CNBD1: variants seen among roughly 807,000 people sequenced by gnomAD.
CNBD1 encodes cyclic nucleotide binding domain containing 1.
A neutral mutation model predicts 54.4 loss-of-function variants in CNBD1; 71 were observed. That is an observed-to-expected ratio of 1.30 (90% CI 1.08 to 1.59). CNBD1 has a LOEUF of 1.59. Among genes scored for constraint, CNBD1 ranks in the 40% most tolerant of loss-of-function variants. The pLI is 0.00. For synonymous variants in CNBD1, 182 were observed against 170.7 expected, an observed-to-expected ratio of 1.07 and a Z score of -0.51; for missense variants, 659 against 518.0, an observed-to-expected ratio of 1.27 and a Z score of -2.64.
intron 2 of CNBD1, among the ~76,000 whole-genome samples, chr8:87,421,426 TCCCCC>T (rs1486091779): frequency 2.2e-5 from 1 of 45,334 alleles, no homozygotes. Context: ...CCTCCCCCCC[TCCCCC>T]CACCCCACAA....
chr8:86,894,929 C>T (rs1044991332), intron 2 of CNBD1, among the ~76,000 whole-genome samples: 2 of 152,078 alleles, frequency 1.3e-5, no homozygotes, highest in Admixed American at 6.6e-5. Context: ...GCATGAGACT[C>T]GCATCTGGCA....
At chr8:87,302,389 A>G (rs1453248943) in intron 8 of CNBD1, among the ~76,000 whole-genome samples, 2 of 152,114 alleles carry the variant, frequency 1.3e-5, no homozygotes, top group Non-Finnish European at 2.9e-5. Flanking sequence ...TACAAAAACC[A>G]CATGATTATC....
rs60911142 is a variant in CNBD1, at chr8:87,121,900, A to G, written c.432-84093A>G. Among the ~76,000 whole-genome samples, 877 of 151,678 alleles carry G rather than the reference A, an allele frequency of 5.8e-3. 6 individuals are homozygous for G. The highest frequency in any genetic ancestry group is 0.02 in the African/African-American group (833 of 41,448). The stretch of plus-strand genomic sequence containing the variant: ...ATTGTGTGTGTGTATATATATATAC[A>G]CACACATATGACATATAATTTATTG... On this transcript the variant is annotated intron_variant, in intron 4 of 10. Coordinates refer to ENST00000518476, the MANE Select transcript of CNBD1 (RefSeq NM_173538.3).
chr8:87,299,839 AG>A (rs1022032511), intron 8 of CNBD1, among the ~76,000 whole-genome samples: 100 of 152,322 alleles, frequency 6.6e-4, no homozygotes, highest in African/African-American at 2.3e-3. Flanking sequence ...CCCTGCAGCC[AG>A]GTGTCCTTTT....
At chr8:86,963,866 C>A (rs1051334354) in intron 4 of CNBD1, among the ~76,000 whole-genome samples, 3 of 152,150 alleles carry the variant, frequency 2.0e-5, no homozygotes, top group East Asian at 1.9e-4. Context: ...AGTCCTGCTG[C>A]ACCATTTGGG....
rs563748412 is a variant in CNBD1, at chr8:87,154,059, T to G, written c.432-51934T>G. 5.3e-5 allele frequency among the ~76,000 whole-genome samples: 8 copies of G among 152,248 alleles called. No homozygotes were observed. The South Asian group carries it at 1.4e-3, about 28-fold the overall frequency. ...GGCAGGCAGCAGGCTTTGTATGACCTGTTAAATTACAACTGACACCCAAAT... is the reference window on the plus strand; with the variant it reads ...GGCAGGCAGCAGGCTTTGTATGACCGGTTAAATTACAACTGACACCCAAAT... On this transcript the variant is annotated intron_variant, in intron 4 of 10. Transcript: ENST00000518476.
At chr8:87,317,542 A>C (rs1464941683) in intron 8 of CNBD1, among the ~76,000 whole-genome samples, 2 of 151,630 alleles carry the variant, frequency 1.3e-5, no homozygotes, top group African/African-American at 2.4e-5. Context: ...TTGTGTAATT[A>C]TTTTGTATTT....
intron 4 of CNBD1, among the ~76,000 whole-genome samples, chr8:87,047,128 A>T (rs901441080): frequency 5.3e-5 from 8 of 152,008 alleles, no homozygotes; most frequent in African/African-American, 7.3e-5. Context: ...TGTAAGTGTA[A>T]TGTTGCAGTA....
rs201293555 is a variant in CNBD1 at position 87,132,762 on chromosome 8, A to AAT, written c.432-73222_432-73221dup. On this transcript the variant is annotated intron_variant, in intron 4 of 10. Transcript: ENST00000518476. ...ATAGGTTCATTTGCATATATATGGAAATATATATATCATTCAATTTGCATA... is the reference window on the plus strand; with the variant it reads ...ATAGGTTCATTTGCATATATATGGAAATATATATATATCATTCAATTTGCATA... Among the ~76,000 whole-genome samples the AAT allele has an allele frequency of 4.9e-3, 719 of 147,326 alleles. 14 individuals are homozygous for AAT. Among genetic ancestry groups the AAT allele is most frequent in the African/African-American group, 0.017 (693 of 40,410 alleles).
intron 4 of CNBD1, among the ~76,000 whole-genome samples, chr8:87,092,114 G>C (rs1337719662): frequency 6.6e-6 from 1 of 152,116 alleles, no homozygotes; most frequent in African/African-American, 2.4e-5. Context: ...GACATAGCAA[G>C]AGAAATAGTC....
intron 5 of CNBD1, among the ~76,000 whole-genome samples, chr8:87,217,921 T>A (rs1473751601): frequency 6.6e-6 from 1 of 152,162 alleles, no homozygotes; most frequent in Non-Finnish European, 1.5e-5. Flanking sequence ...AGATTTTTGT[T>A]TGTTTTAGTA....
At chr8:87,111,391 C>T (rs1262590120) in intron 4 of CNBD1, among the ~76,000 whole-genome samples, 2 of 152,160 alleles carry the variant, frequency 1.3e-5, no homozygotes, top group African/African-American at 4.8e-5. Flanking sequence ...CTCATAATGT[C>T]GTTATCTGCT....
Position 87,275,045 on chromosome 8 carries a change from G to T in CNBD1, c.772-9633G>T, listed in dbSNP as rs554933367. On this transcript the variant is annotated intron_variant, in intron 6 of 10. Transcript: ENST00000518476. ...TTAAATAGGGAATCCTTTCCCCATT[G>T]CTTGTTTTTCTCAGGTTTGTCAAAG... Among the ~76,000 whole-genome samples the T allele has an allele frequency of 8.2e-5, 11 of 134,072 alleles. 1 individual carries two copies. Among genetic ancestry groups the T allele is most frequent in the African/African-American group, 3.3e-4 (11 of 33,034 alleles). 88.0% of individuals were successfully genotyped at this position (134,072 alleles called of 152,430 possible).
chr8:87,342,244 G>A (rs1260053319), intron 8 of CNBD1, among the ~76,000 whole-genome samples: 2 of 150,192 alleles, frequency 1.3e-5, no homozygotes, highest in Non-Finnish European at 2.9e-5. Context: ...CTGCACTCCA[G>A]CCTGGGCAAC....
At chr8:87,119,292 C>G (rs564153167) in intron 4 of CNBD1, among the ~76,000 whole-genome samples, 1 of 150,170 alleles carries the variant, frequency 6.7e-6, no homozygotes, top group Non-Finnish European at 1.5e-5. Flanking sequence ...TTGTAGATAC[C>G]TTTTACTTCT....
At chr8:87,205,010 C>T (rs1442658830) in intron 4 of CNBD1, among the ~76,000 whole-genome samples, 6 of 151,416 alleles carry the variant, frequency 4.0e-5, no homozygotes, top group African/African-American at 1.2e-4. Context: ...TTATATCATT[C>T]TATAAACACA....
At chr8:87,193,127 A>T (rs1813646754) in intron 4 of CNBD1, among the ~76,000 whole-genome samples, 1 of 152,190 alleles carries the variant, frequency 6.6e-6, no homozygotes, top group African/African-American at 2.4e-5. Flanking sequence ...AAAATTAACA[A>T]GAAGTGATTG....
At chr8:87,111,212 A>G (rs1739460940) in intron 4 of CNBD1, among the ~76,000 whole-genome samples, 1 of 152,196 alleles carries the variant, frequency 6.6e-6, no homozygotes, top group African/African-American at 2.4e-5. Flanking sequence ...ACAAAGAATC[A>G]GTGTGAGGGT....
Position 87,273,101 on chromosome 8 carries a change from A to T in CNBD1, c.772-11577A>T, listed in dbSNP as rs188844225. ...TTTCCCCTAATAATAGGAAAATTTT[A>T]AAATTTCAAATAATAGTAGTACTGT... On this transcript the variant is annotated intron_variant, in intron 6 of 10. Coordinates refer to ENST00000518476, the MANE Select transcript of CNBD1 (RefSeq NM_173538.3). 5.1e-3 allele frequency among the ~76,000 whole-genome samples: 781 copies of T among 152,102 alleles called. 7 individuals carry two copies. The highest frequency in any genetic ancestry group is 0.018 in the African/African-American group (736 of 41,542).
Sources: allele counts gnomAD v4.1 joint callset (sites outside exome capture counted in the v4.1 genomes callset), GRCh38; gene constraint gnomAD v4.1.1; transcripts MANE v1.5; gene names NCBI Gene and HGNC (gene_info 2026-07-23, HGNC 2026-07-21).